Variants in PLEKHA5 observed in about 807,000 individuals in gnomAD.
PLEKHA5 encodes pleckstrin homology domain-containing family A member 5.
Under a neutral mutation model 181.9 loss-of-function variants are expected in PLEKHA5, and 55 were observed. The ratio of observed to expected loss-of-function variants is 0.30; its 90% CI spans 0.24 to 0.38. The LOEUF is 0.38. PLEKHA5 is among the 10% of genes least tolerant of loss of function. PLEKHA5 has a pLI of 1.00. For missense variants in PLEKHA5, 1,432 were observed against 1,549.5 expected (o/e 0.92, Z 1.27); for synonymous variants, 535 against 529.4 (o/e 1.01, Z -0.15).
chr12:19,346,828 A>G (rs1390811203), intron 23 of PLEKHA5, among the ~76,000 whole-genome samples, 166 bp from the exon 24 acceptor site: 3 of 152,166 alleles, frequency 2.0e-5, no homozygotes, highest in Non-Finnish European at 4.4e-5. Context: ...ATTATTGGCT[A>G]TGATAAAAAA....
chr12:19,202,379 T>G (rs2054388964), intron 3 of PLEKHA5, among the ~76,000 whole-genome samples: 1 of 152,068 alleles, frequency 6.6e-6, no homozygotes, highest in African/African-American at 2.4e-5. Flanking sequence ...TTCATCACCT[T>G]AAAACAAGAC....
At position 19,307,117 on chromosome 12, in the gene PLEKHA5, T is replaced by C. The variant is rs1427334181; in HGVS notation, c.2038-7697T>C. 11 of 906,840 alleles carry C rather than the reference T, an allele frequency of 1.2e-5. No homozygotes were observed. The East Asian group carries it at 2.5e-4, about 20-fold the overall frequency. 56.2% of individuals were successfully genotyped at this position (906,840 alleles called of 1,614,324 possible). On this transcript the variant is annotated intron_variant, in intron 15 of 31. Coordinates refer to ENST00000429027, the MANE Select transcript of PLEKHA5 (RefSeq NM_001256470.2). ...GCTTATGAGCACTGTTGGTCCCAAGTTGAAGCATGTAGCTGCTGGTCTTGT... is the reference window on the plus strand; with the variant it reads ...GCTTATGAGCACTGTTGGTCCCAAGCTGAAGCATGTAGCTGCTGGTCTTGT...
At chr12:19,147,596 CTTT>C (rs71064060) in intron 3 of PLEKHA5, among the ~76,000 whole-genome samples, 18 of 137,588 alleles carry the variant, frequency 1.3e-4, no homozygotes, top group Non-Finnish European at 1.9e-4. Context: ...TTTCTTTTTT[CTTT>C]TTTTTTTTTT....
At chr12:19,180,907 C>A (rs899502207) in intron 3 of PLEKHA5, among the ~76,000 whole-genome samples, 3 of 151,470 alleles carry the variant, frequency 2.0e-5, no homozygotes, top group African/African-American at 7.3e-5. Flanking sequence ...TCACCCGAGA[C>A]CCAAGTCAGA....
intron 3 of PLEKHA5, among the ~76,000 whole-genome samples, chr12:19,155,172 G>A (rs2041380594): frequency 6.6e-6 from 1 of 152,156 alleles, no homozygotes; most frequent in African/African-American, 2.4e-5. Flanking sequence ...TCTTCATCAG[G>A]AAGGTCATTA....
At chr12:19,225,015 G>A (rs966706700) in intron 3 of PLEKHA5, among the ~76,000 whole-genome samples, 3 of 152,086 alleles carry the variant, frequency 2.0e-5, no homozygotes, top group Non-Finnish European at 4.4e-5. Flanking sequence ...GGGGAGAAAA[G>A]AATCTGTTAA....
In PLEKHA5 at chr12:19,270,685, A is replaced by T. The variant is rs190960419; in HGVS notation, c.845+480A>T. On this transcript the variant is annotated intron_variant, in intron 10 of 31. Transcript: ENST00000429027. Reference sequence around the variant, plus strand: ...AAGTAGTATAATGTGCTTTTTAAAAAATATATATTCCTGTAATTCGAAGAA... The same window carrying T: ...AAGTAGTATAATGTGCTTTTTAAAATATATATATTCCTGTAATTCGAAGAA... 1.5e-3 allele frequency among the ~76,000 whole-genome samples: 236 copies of T among 152,296 alleles called. 6 individuals carry two copies. The highest frequency in any genetic ancestry group is 0.014 in the Admixed American group (213 of 15,292).
chr12:19,193,208 T>C (rs964248110), intron 3 of PLEKHA5, among the ~76,000 whole-genome samples: 1 of 152,170 alleles, frequency 6.6e-6, no homozygotes, highest in Non-Finnish European at 1.5e-5. Flanking sequence ...GTGGTTTTGA[T>C]TTTTTAAGAA....
intron 3 of PLEKHA5, among the ~76,000 whole-genome samples, chr12:19,204,874 A>G (rs548592510): frequency 6.6e-6 from 1 of 152,260 alleles, no homozygotes; most frequent in South Asian, 2.1e-4. Context: ...AGAGAACAGA[A>G]TAAGAGATTG....
intron 8 of PLEKHA5, among the ~76,000 whole-genome samples, chr12:19,267,586 G>A (rs533819041): frequency 3.4e-4 from 52 of 152,218 alleles, no homozygotes; most frequent in Non-Finnish European, 6.6e-4. Flanking sequence ...CTCGAACCTG[G>A]GAGGCGGAGG....
rs952219073 is a variant in PLEKHA5, at chr12:19,339,519, T to C, written c.2550+2903T>C. ...GACCTGAATTAATGGAGAGGTGTAA[T>C]TGGTATACCATATTCATGGATGGTC... On this transcript the variant is annotated intron_variant, in intron 21 of 31. Transcript: ENST00000429027. Among the ~76,000 whole-genome samples the C allele has an allele frequency of 3.9e-5, 6 of 152,298 alleles. No homozygotes were observed. The East Asian group carries it at 1.2e-3, about 29-fold the overall frequency.
chr12:19,301,251 A>G (rs144823494), intron 15 of PLEKHA5, among the ~76,000 whole-genome samples: 2 of 152,216 alleles, frequency 1.3e-5, no homozygotes, highest in Non-Finnish European at 2.9e-5. Flanking sequence ...CACTTCAGGA[A>G]TGTTTTTTCA....
chr12:19,300,753 G>C (rs998746767), intron 15 of PLEKHA5, among the ~76,000 whole-genome samples: 29 of 152,120 alleles, frequency 1.9e-4, no homozygotes, highest in African/African-American at 6.5e-4. Context: ...TAGGAATTCA[G>C]CTACTCAGTG....
At chr12:19,273,999 A>G (rs1435751620) in intron 10 of PLEKHA5, among the ~76,000 whole-genome samples, 1 of 152,210 alleles carries the variant, frequency 6.6e-6, no homozygotes, top group Non-Finnish European at 1.5e-5. Context: ...GAGCTCTAAA[A>G]TCATACTGAG....
chr12:19,287,247 G>T (rs2077416550), intron 12 of PLEKHA5, among the ~76,000 whole-genome samples: 2 of 152,110 alleles, frequency 1.3e-5, no homozygotes, highest in Non-Finnish European at 2.9e-5. Flanking sequence ...CAAGTGATCT[G>T]TCCACCCTGG....
At chr12:19,185,355 T>G (rs1364031181) in intron 3 of PLEKHA5, among the ~76,000 whole-genome samples, 1 of 152,130 alleles carries the variant, frequency 6.6e-6, no homozygotes, top group Non-Finnish European at 1.5e-5. Flanking sequence ...GCTGGACCAG[T>G]AATACTAGAT....
At chr12:19,320,771 T>G (rs376308889) in intron 18 of PLEKHA5, 147 bp downstream of exon 18, 40 of 486,306 alleles carry the variant, frequency 8.2e-5, no homozygotes, top group East Asian at 6.8e-4. Flanking sequence ...GTGCTCTAAA[T>G]TATTATTCCC....
At chr12:19,343,473 G>A (rs1248440631) in intron 22 of PLEKHA5, 39 bp downstream of exon 22, 1 of 1,110,218 alleles carries the variant, frequency 9.0e-7, no homozygotes, top group Non-Finnish European at 1.4e-6. Flanking sequence ...ACTGACCACA[G>A]TATTACAGTC....
At chr12:19,341,166 A>ATT (rs1193630264) in intron 21 of PLEKHA5, among the ~76,000 whole-genome samples, 1 of 152,048 alleles carries the variant, frequency 6.6e-6, no homozygotes, top group Non-Finnish European at 1.5e-5. Flanking sequence ...AATTCCAGCT[A>ATT]TTTGGGAGGC....
Sources: allele counts gnomAD v4.1 joint callset (sites outside exome capture counted in the v4.1 genomes callset), GRCh38; gene constraint gnomAD v4.1.1; transcripts MANE v1.5; gene names NCBI Gene and HGNC (gene_info 2026-07-23, HGNC 2026-07-21).